The following GRIN2B variants were observed in gnomAD, a reference collection of about 807,000 sequenced individuals.
GRIN2B encodes glutamate receptor ionotropic, NMDA 2B.
A neutral mutation model predicts 114.5 loss-of-function variants in GRIN2B; 5 were observed. That is an observed-to-expected ratio of 0.04 (90% CI 0.02 to 0.09). The LOEUF (loss-of-function observed/expected upper bound fraction) is 0.09, where lower values mean the gene tolerates loss of function less well. Ranked by LOEUF, GRIN2B falls within the 10% of genes least tolerant of loss-of-function variation. The pLI is 1.00. For synonymous variants in GRIN2B, 787 were observed against 745.1 expected, an observed-to-expected ratio of 1.06 and a Z score of -0.92; for missense variants, 1,108 against 1,943.5, an observed-to-expected ratio of 0.57 and a Z score of 8.08.
intron 4 of GRIN2B, among the ~76,000 whole-genome samples, chr12:13,703,082 T>C (rs1305898062): frequency 2.6e-5 from 4 of 152,214 alleles, no homozygotes; most frequent in African/African-American, 9.6e-5. Flanking sequence ...AACTGTTTTG[T>C]GAATCACCAC....
intron 5 of GRIN2B, among the ~76,000 whole-genome samples, chr12:13,662,074 G>A (rs1410635577): frequency 1.3e-5 from 2 of 152,124 alleles, no homozygotes; most frequent in Non-Finnish European, 2.9e-5. Flanking sequence ...TAGAACAGTA[G>A]GCTAGAGTAG....
chr12:13,831,610 G>A (rs981200764), intron 3 of GRIN2B, among the ~76,000 whole-genome samples: 8 of 152,196 alleles, frequency 5.3e-5, no homozygotes, highest in African/African-American at 1.9e-4. Flanking sequence ...AACACGTTAG[G>A]AATAGGCAAG....
chr12:13,874,249 C>T (rs1422297472), intron 2 of GRIN2B, among the ~76,000 whole-genome samples: 1 of 152,242 alleles, frequency 6.6e-6, no homozygotes, highest in African/African-American at 2.4e-5. Flanking sequence ...CCTTACAGCA[C>T]TTCCAGTGGC....
chr12:13,573,190 G>A (rs1037125868), intron 10 of GRIN2B, among the ~76,000 whole-genome samples: 1 of 149,492 alleles, frequency 6.7e-6, no homozygotes. Context: ...GGTGGCTCAC[G>A]CCTGTAATCC....
chr12:13,705,066 A>T (rs958868432), intron 4 of GRIN2B, among the ~76,000 whole-genome samples: 2 of 128,992 alleles, frequency 1.6e-5, no homozygotes, highest in Non-Finnish European at 3.6e-5. Context: ...AATCCTATCC[A>T]TTCTTTTTTC....
intron 2 of GRIN2B, among the ~76,000 whole-genome samples, chr12:13,971,222 C>T (rs1411040876): frequency 6.6e-6 from 1 of 152,202 alleles, no homozygotes; most frequent in Non-Finnish European, 1.5e-5. Flanking sequence ...CACACTCATA[C>T]CCTTTCTCTT....
chr12:13,895,083 G>A (rs1004670099), intron 2 of GRIN2B, among the ~76,000 whole-genome samples: 25 of 152,158 alleles, frequency 1.6e-4, no homozygotes, highest in Non-Finnish European at 2.5e-4. Context: ...TGCACATTGT[G>A]TAAATATATA....
Position 13,563,331 on chromosome 12 carries a change from A to T in GRIN2B, c.3907T>A (p.Ser1303Thr). The T allele has an allele frequency of 6.2e-7, 1 of 1,614,092 alleles. No individual in the cohort carries two copies. Among genetic ancestry groups the T allele is most frequent in the Non-Finnish European group, 8.5e-7 (1 of 1,180,012 alleles). ...TGCAGGTCCACGAAGGTGTCGTAGG[A>T]GTGCTGCCGGCGCAGTTTGTTCCGG... The part of the protein sequence containing the change: ...KNRNKLRRQH[S>T]YDTFVDLQKE... Residue 1303 changes from serine to threonine, a missense_variant, in exon 14 of 14, where the codon TCC becomes ACC. Physicochemically the swap from Ser to Thr is moderately conservative, Grantham distance 58. Coordinates refer to ENST00000609686, the MANE Select transcript of GRIN2B (RefSeq NM_000834.5).
intron 3 of GRIN2B, among the ~76,000 whole-genome samples, chr12:13,843,852 T>A (rs895893380): frequency 6.6e-6 from 1 of 152,228 alleles, no homozygotes; most frequent in African/African-American, 2.4e-5. Flanking sequence ...GGCATGCTTG[T>A]CTCTTTCTGT....
intron 3 of GRIN2B, among the ~76,000 whole-genome samples, chr12:13,832,015 G>A (rs991107767): frequency 1.3e-5 from 2 of 152,182 alleles, no homozygotes; most frequent in Non-Finnish European, 2.9e-5. Context: ...AAGGGCAGTG[G>A]GGGGCAGGGT....
At chr12:13,679,593 G>A (rs1415757694) in intron 4 of GRIN2B, among the ~76,000 whole-genome samples, 1 of 152,080 alleles carries the variant, frequency 6.6e-6, no homozygotes, top group Admixed American at 6.6e-5. Flanking sequence ...CTTCTCCAAA[G>A]TATCCTTTCA....
intron 4 of GRIN2B, among the ~76,000 whole-genome samples, chr12:13,721,840 G>C (rs770991650): frequency 6.6e-6 from 1 of 152,124 alleles, no homozygotes; most frequent in Non-Finnish European, 1.5e-5. Flanking sequence ...AGCTCAAGCA[G>C]AGCCCTTTGG....
chr12:13,898,300 G>C (rs576017215), intron 2 of GRIN2B, among the ~76,000 whole-genome samples: 2 of 152,128 alleles, frequency 1.3e-5, no homozygotes, highest in Non-Finnish European at 2.9e-5. Flanking sequence ...GTCATTTATT[G>C]AGTATTTAAG....
chr12:13,880,611 T>C (rs1348039128), intron 2 of GRIN2B, among the ~76,000 whole-genome samples: 4 of 152,242 alleles, frequency 2.6e-5, no homozygotes, highest in Non-Finnish European at 5.9e-5. Context: ...GCAAATAAGC[T>C]GTCACTGTTG....
At chr12:13,816,671 G>T (rs967213322) in intron 3 of GRIN2B, among the ~76,000 whole-genome samples, 2 of 152,158 alleles carry the variant, frequency 1.3e-5, no homozygotes, top group East Asian at 1.9e-4. Flanking sequence ...ACCCACCTCC[G>T]TATCACATGC....
In GRIN2B at chr12:13,557,536, A is replaced by G. The variant is rs1948490499; in HGVS notation, c.*5247T>C. On this transcript the variant is annotated 3_prime_UTR_variant, in exon 14 of 14. Coordinates refer to ENST00000609686, the MANE Select transcript of GRIN2B (RefSeq NM_000834.5). The stretch of plus-strand genomic sequence containing the variant: ...AATGGAGGAGAAGCATCACTCTTCT[A>G]TTTTCTATGGAAAGAATCATAGTTC... 1 of 152,170 alleles carries G rather than the reference A, an allele frequency of 6.6e-6. No individual in the cohort carries two copies. The allele number at this position is 152,170 out of a possible 1,614,324, so 9.4% of individuals were successfully genotyped here.
chr12:13,794,691 G>A (rs994740279), intron 3 of GRIN2B, among the ~76,000 whole-genome samples: 1 of 152,168 alleles, frequency 6.6e-6, no homozygotes, highest in African/African-American at 2.4e-5. Flanking sequence ...AATAAATAAC[G>A]TTAGCCATGG....
intron 3 of GRIN2B, among the ~76,000 whole-genome samples, chr12:13,837,724 C>T (rs1303275906): frequency 6.6e-6 from 1 of 152,068 alleles, no homozygotes; most frequent in Non-Finnish European, 1.5e-5. Context: ...AATAGAAGGG[C>T]TTGGGGTTGG....
chr12:13,564,602 T>G lies in GRIN2B; in HGVS notation c.2636A>C (p.Glu879Ala). 2 of 1,613,836 alleles carry G rather than the reference T, an allele frequency of 1.2e-6. No homozygotes were observed. ...GGGGGAGTTCATTACAGACTGGCGC[T>G]CCTCGATCGCCACCCCATGGATGCA... ...YSCIHGVAIEERQSVMNSPTA... is the reference protein window; with the variant it reads ...YSCIHGVAIEARQSVMNSPTA... Residue 879 changes from glutamate (E) to alanine (A), a missense_variant, in exon 14 of 14, where the codon GAG becomes GCG. Transcript: ENST00000609686. This position sits in a 1 kb window ranked among gnomAD's most constrained non-coding sequence, Gnocchi z 4.8.
Sources: allele counts gnomAD v4.1 joint callset (sites outside exome capture counted in the v4.1 genomes callset), GRCh38; gene constraint gnomAD v4.1.1; non-coding constraint Gnocchi (gnomAD v3.1); transcripts MANE v1.5; gene names NCBI Gene and HGNC (gene_info 2026-07-23, HGNC 2026-07-21).